The following RNF150 variants were observed in gnomAD, a reference collection of about 807,000 sequenced individuals.
The protein encoded by RNF150 is ring finger protein 150.
In RNF150, 24 loss-of-function variants were observed where a neutral mutation model predicts 39.3. That is an observed-to-expected ratio of 0.61 (90% CI 0.44 to 0.86). The LOEUF (loss-of-function observed/expected upper bound fraction) is 0.86. RNF150 is among the 40% of genes least tolerant of loss of function. RNF150 has a pLI of 0.00. For synonymous variants in RNF150, 255 were observed against 227.3 expected (o/e 1.12, Z -1.10); for missense variants, 502 against 587.8 (o/e 0.85, Z 1.51).
intron 1 of RNF150, among the ~76,000 whole-genome samples, chr4:141,076,014 A>T (rs1157816610): frequency 6.6e-6 from 1 of 152,222 alleles, no homozygotes; most frequent in Non-Finnish European, 1.5e-5. Flanking sequence ...TAGATAAGTG[A>T]TCATACTATC....
chr4:141,030,979 A>G (rs577034987), intron 1 of RNF150, among the ~76,000 whole-genome samples: 29 of 152,216 alleles, frequency 1.9e-4, no homozygotes, highest in Non-Finnish European at 3.8e-4. Context: ...GCGCAATTAA[A>G]AAATTTTAAA....
intron 1 of RNF150, among the ~76,000 whole-genome samples, chr4:140,981,455 G>T (rs981818920): frequency 6.6e-6 from 1 of 152,056 alleles, no homozygotes; most frequent in Non-Finnish European, 1.5e-5. Flanking sequence ...CACTATCTAG[G>T]CCACTCACTT....
intron 1 of RNF150, among the ~76,000 whole-genome samples, chr4:141,146,934 AG>A (rs945984080): frequency 5.9e-5 from 9 of 152,150 alleles, no homozygotes; most frequent in African/African-American, 1.9e-4. Context: ...TACTGATAAA[AG>A]CTCTTTAGAG....
intron 1 of RNF150, among the ~76,000 whole-genome samples, chr4:141,091,758 G>A (rs1379332393): frequency 6.6e-6 from 1 of 152,062 alleles, no homozygotes; most frequent in Non-Finnish European, 1.5e-5. Flanking sequence ...CAATTTCTCA[G>A]ACATCCTATA....
At chr4:141,097,698 T>G (rs531568768) in intron 1 of RNF150, among the ~76,000 whole-genome samples, 10 of 152,146 alleles carry the variant, frequency 6.6e-5, no homozygotes, top group Non-Finnish European at 1.3e-4. Flanking sequence ...AGGATAGCCT[T>G]TTTTTCCTTT....
At chr4:141,114,399 C>A (rs1457801459) in intron 1 of RNF150, among the ~76,000 whole-genome samples, 1 of 152,140 alleles carries the variant, frequency 6.6e-6, no homozygotes, top group Non-Finnish European at 1.5e-5. Context: ...ACTAGAAAAT[C>A]TAGAATAAAT....
intron 1 of RNF150, among the ~76,000 whole-genome samples, chr4:140,975,394 C>T (rs1246721977): frequency 6.6e-6 from 1 of 152,164 alleles, no homozygotes; most frequent in East Asian, 1.9e-4. Flanking sequence ...CAGGTATCTG[C>T]AGGTGGTCCT....
At chr4:141,054,276 C>T (rs147977742) in intron 1 of RNF150, among the ~76,000 whole-genome samples, 283 of 152,148 alleles carry the variant, frequency 1.9e-3, no homozygotes, top group African/African-American at 6.3e-3. Flanking sequence ...AATTTAATAT[C>T]GGAAATTAAG....
chr4:141,133,274 A>T lies in RNF150; in HGVS notation c.-466T>A. 5.7e-6 allele frequency: 1 copy of T among 174,580 alleles called. No homozygotes were observed. Among genetic ancestry groups the T allele is most frequent in the Non-Finnish European group, 1.2e-5 (1 of 84,400 alleles). The allele number at this position is 174,580 out of a possible 1,614,324, so 10.8% of individuals were successfully genotyped here. On this transcript the variant is annotated 5_prime_UTR_variant, in exon 1 of 7. Coordinates refer to ENST00000515673, the MANE Select transcript of RNF150 (RefSeq NM_020724.2). Reference sequence around the variant, plus strand: ...TGCCCAGGGTGTCCCGGCCGCCGCCACTGAGCGCTGGGGCGCGCGAATCCA... The same window carrying T: ...TGCCCAGGGTGTCCCGGCCGCCGCCTCTGAGCGCTGGGGCGCGCGAATCCA...
intron 2 of RNF150, among the ~76,000 whole-genome samples, chr4:140,956,140 G>A (rs1732744164): frequency 6.6e-6 from 1 of 152,162 alleles, no homozygotes; most frequent in Non-Finnish European, 1.5e-5. Context: ...TGGGAGTTCT[G>A]TGTTTTTCAA....
intron 1 of RNF150, among the ~76,000 whole-genome samples, chr4:141,140,516 T>G (rs1467269368): frequency 6.6e-6 from 1 of 152,244 alleles, no homozygotes; most frequent in African/African-American, 2.4e-5. Flanking sequence ...TCTTATTTTT[T>G]CACATAGTTG....
At chr4:140,911,564 G>T (rs1021379708) in intron 5 of RNF150, among the ~76,000 whole-genome samples, 13 of 152,104 alleles carry the variant, frequency 8.5e-5, no homozygotes, top group African/African-American at 2.9e-4. Context: ...GTTCATTTTA[G>T]ATTGAAAAGA....
At chr4:141,134,182 A>G (rs1726984676), upstream of RNF150, among the ~76,000 whole-genome samples, 1 of 152,158 alleles carries the variant, frequency 6.6e-6, no homozygotes, top group Non-Finnish European at 1.5e-5. Flanking sequence ...CCAACAGGCA[A>G]GGGAGGTTTG....
At chr4:141,113,427 A>G (rs1018101042) in intron 1 of RNF150, among the ~76,000 whole-genome samples, 2 of 152,124 alleles carry the variant, frequency 1.3e-5, no homozygotes, top group Non-Finnish European at 2.9e-5. Context: ...AAAGAAGGGC[A>G]TTACATAACG....
At chr4:141,104,241 T>C (rs1312576904) in intron 1 of RNF150, among the ~76,000 whole-genome samples, 1 of 152,144 alleles carries the variant, frequency 6.6e-6, no homozygotes, top group East Asian at 1.9e-4. Flanking sequence ...TAGAGCTCAA[T>C]AGCTGAGATC....
At chr4:141,178,861 G>A (rs1727859616) in intron 1 of RNF150, among the ~76,000 whole-genome samples, 1 of 151,658 alleles carries the variant, frequency 6.6e-6, no homozygotes, top group African/African-American at 2.4e-5. Context: ...TAGTGTTCTA[G>A]GAACACTAGA....
chr4:140,928,582 T>C (rs1010527322), intron 4 of RNF150, among the ~76,000 whole-genome samples: 1 of 152,242 alleles, frequency 6.6e-6, no homozygotes, highest in African/African-American at 2.4e-5. Context: ...AGTCTCGCTC[T>C]GTCACCCAGA....
intron 1 of RNF150, among the ~76,000 whole-genome samples, chr4:141,080,331 A>T (rs1473007649): frequency 1.3e-5 from 2 of 152,178 alleles, no homozygotes; most frequent in African/African-American, 4.8e-5. Context: ...ATTTTTTACA[A>T]TGACAAATAC....
At chr4:140,988,040 A>T (rs1734069703) in intron 1 of RNF150, among the ~76,000 whole-genome samples, 1 of 152,200 alleles carries the variant, frequency 6.6e-6, no homozygotes, top group South Asian at 2.1e-4. Flanking sequence ...ATGCAAATCA[A>T]ACCACAATGA....
Sources: gnomAD v4.1 joint callset for allele counts (sites outside exome capture counted in the v4.1 genomes callset) on GRCh38, gnomAD v4.1.1 for gene constraint, MANE v1.5 for transcripts, NCBI Gene and HGNC (gene_info 2026-07-23, HGNC 2026-07-21) for gene names.